The following SYN3 variants were observed in gnomAD, a reference collection of about 807,000 sequenced individuals.
The protein encoded by SYN3 is synapsin-3.
In SYN3, 35 loss-of-function variants were observed where a neutral mutation model predicts 65.8. The observed-to-expected ratio is 0.53, with a 90% CI of 0.41 to 0.70. SYN3 has a LOEUF of 0.70. Ranked by LOEUF, SYN3 falls within the 30% of genes least tolerant of loss-of-function variation. The probability of loss-of-function intolerance (pLI) is 0.00; values close to 1 mark genes in which losing one functional copy is unlikely to be tolerated. For missense variants in SYN3, 680 were observed against 749.0 expected (o/e 0.91, Z 1.08); for synonymous variants, 270 against 292.9 (o/e 0.92, Z 0.80).
Position 32,525,623 on chromosome 22 carries a change from TGG to T in SYN3, c.1318+2293_1318+2294del, listed in dbSNP as rs1371914908. On this transcript the variant is annotated intron_variant, in intron 12 of 13. Transcript: ENST00000358763. ...TACTCGGGAGGCTGAGGCAGGAGAATGGCATGAACCCGGGAAAGCGGAGTTTG... is the reference window on the plus strand; with the variant it reads ...TACTCGGGAGGCTGAGGCAGGAGAATCATGAACCCGGGAAAGCGGAGTTTG... Among the ~76,000 whole-genome samples, 196 of 147,682 alleles carry T rather than the reference TGG, an allele frequency of 1.3e-3. 3 individuals are homozygous for T. Among genetic ancestry groups the T allele is most frequent in the African/African-American group, 4.6e-3 (182 of 39,738 alleles).
At position 32,509,643 on chromosome 22, in the gene SYN3, A is replaced by G. The variant is rs2057669967; in HGVS notation, c.*4049T>C. ...GAGTGCAGTGGTGCGATCTCGGCTCACTGCAAGCTCCGCCTCCCGGGTTCA... is the reference window on the plus strand; with the variant it reads ...GAGTGCAGTGGTGCGATCTCGGCTCGCTGCAAGCTCCGCCTCCCGGGTTCA... On this transcript the variant is annotated 3_prime_UTR_variant, in exon 14 of 14. Coordinates refer to ENST00000358763, the MANE Select transcript of SYN3 (RefSeq NM_003490.4). 6.6e-6 allele frequency among the ~76,000 whole-genome samples: 1 copy of G among 151,928 alleles called. No individual in the cohort carries two copies. Among genetic ancestry groups the G allele is most frequent in the Admixed American group, 6.6e-5 (1 of 15,242 alleles).
intron 12 of SYN3, among the ~76,000 whole-genome samples, chr22:32,523,275 G>A (rs1188251334): frequency 6.6e-6 from 1 of 152,196 alleles, no homozygotes; most frequent in Admixed American, 6.5e-5. Context: ...CACTTTGGGA[G>A]GCCAAGGCAG....
intron 6 of SYN3, among the ~76,000 whole-genome samples, chr22:32,742,866 A>G (rs1350147640): frequency 6.6e-6 from 1 of 152,214 alleles, no homozygotes; most frequent in Non-Finnish European, 1.5e-5. Flanking sequence ...AAAACAGCTC[A>G]CACGAATAGC....
At chr22:32,786,952 G>A (rs2046209248) in intron 6 of SYN3, among the ~76,000 whole-genome samples, 1 of 151,958 alleles carries the variant, frequency 6.6e-6, no homozygotes, top group Non-Finnish European at 1.5e-5. Flanking sequence ...GGGAGGCAGT[G>A]TTCAACACGG....
At chr22:32,941,509 C>T (rs2050937531) in intron 3 of SYN3, among the ~76,000 whole-genome samples, 1 of 150,688 alleles carries the variant, frequency 6.6e-6, no homozygotes, top group African/African-American at 2.4e-5. Context: ...CAGTCTACAG[C>T]TCCCAGCATG....
intron 10 of SYN3, among the ~76,000 whole-genome samples, chr22:32,529,361 C>T (rs367912501): frequency 2.0e-5 from 3 of 152,210 alleles, no homozygotes; most frequent in Non-Finnish European, 4.4e-5. Flanking sequence ...GGCTGGCCAC[C>T]TCTCCTTTGG....
intron 4 of SYN3, among the ~76,000 whole-genome samples, chr22:32,929,810 C>A (rs2050577207): frequency 6.6e-6 from 1 of 152,128 alleles, no homozygotes. Context: ...CTTGCCTCCA[C>A]TAAGCTCTCA....
chr22:32,951,536 T>C (rs2051289365), intron 3 of SYN3, among the ~76,000 whole-genome samples: 1 of 152,236 alleles, frequency 6.6e-6, no homozygotes, highest in Non-Finnish European at 1.5e-5. Context: ...TTCACCACTC[T>C]ATCTCAGCTC....
At chr22:33,026,339 C>T (rs544870091) in intron 1 of SYN3, among the ~76,000 whole-genome samples, 2 of 152,200 alleles carry the variant, frequency 1.3e-5, no homozygotes, top group African/African-American at 2.4e-5. Flanking sequence ...CTGATTGATA[C>T]TCTCTGTGGC....
chr22:32,741,312 G>T (rs146821006), intron 6 of SYN3, among the ~76,000 whole-genome samples: 339 of 151,428 alleles, frequency 2.2e-3, no homozygotes, highest in African/African-American at 7.8e-3. Context: ...GCCAAAGCTG[G>T]GATTCAGACC....
chr22:32,531,159 A>G (rs1192318777), intron 10 of SYN3, among the ~76,000 whole-genome samples: 1 of 149,002 alleles, frequency 6.7e-6, no homozygotes, highest in Non-Finnish European at 1.5e-5. Context: ...AAAAAAAAAA[A>G]AAAAAAAAAA....
chr22:32,571,001 T>C (rs1236578059), intron 7 of SYN3, among the ~76,000 whole-genome samples: 3 of 152,230 alleles, frequency 2.0e-5, no homozygotes, highest in Non-Finnish European at 4.4e-5. Flanking sequence ...TTTAAAAATA[T>C]ATTTAAGCAG....
intron 11 of SYN3, 61 bp downstream of exon 11, chr22:32,528,813 T>C: frequency 1.2e-6 from 2 of 1,605,438 alleles, no homozygotes; most frequent in Non-Finnish European, 1.7e-6. Context: ...GGGCTCCCCA[T>C]TTCCAGACAG....
chr22:32,611,019 G>C (rs1188605480), intron 6 of SYN3, among the ~76,000 whole-genome samples: 1 of 152,208 alleles, frequency 6.6e-6, no homozygotes, highest in East Asian at 1.9e-4. Context: ...TATTTCCAGT[G>C]ATTGCAGACC....
intron 2 of SYN3, among the ~76,000 whole-genome samples, chr22:32,994,162 C>T (rs974036872): frequency 1.3e-5 from 2 of 152,166 alleles, no homozygotes; most frequent in Non-Finnish European, 1.5e-5. Flanking sequence ...TTGGGTGCCG[C>T]ACAAGGCCCT....
intron 4 of SYN3, among the ~76,000 whole-genome samples, chr22:32,899,678 A>C (rs1464177409): frequency 6.6e-6 from 1 of 152,242 alleles, no homozygotes; most frequent in Non-Finnish European, 1.5e-5. Context: ...GCCTGGAGTT[A>C]AAATGCTGGG....
At chr22:32,814,150 G>C (rs2046997779) in intron 6 of SYN3, among the ~76,000 whole-genome samples, 1 of 133,848 alleles carries the variant, frequency 7.5e-6, no homozygotes, top group Non-Finnish European at 1.6e-5. Flanking sequence ...GTGAGAGAGA[G>C]AGAGAGAGAG....
At chr22:32,672,445 T>C (rs2060384240) in intron 6 of SYN3, among the ~76,000 whole-genome samples, 1 of 152,226 alleles carries the variant, frequency 6.6e-6, no homozygotes, top group South Asian at 2.1e-4. Context: ...TGTGTGGGGC[T>C]GCAGAGAAAT....
chr22:32,767,088 T>A (rs2045646154), intron 6 of SYN3, among the ~76,000 whole-genome samples: 1 of 152,162 alleles, frequency 6.6e-6, no homozygotes. Flanking sequence ...TATTCTCCAA[T>A]CATCGGAATT....
Sources: allele counts gnomAD v4.1 joint callset (sites outside exome capture counted in the v4.1 genomes callset), GRCh38; gene constraint gnomAD v4.1.1; transcripts MANE v1.5; gene names NCBI Gene and HGNC (gene_info 2026-07-23, HGNC 2026-07-21).